ZNF236: variants seen among roughly 807,000 people sequenced by gnomAD.
The protein encoded by ZNF236 is zinc finger protein 236, also known as regulated by glucose.
A neutral mutation model predicts 191.2 loss-of-function variants in ZNF236; 50 were observed. The observed-to-expected ratio is 0.26, with a 90% CI of 0.21 to 0.33. The LOEUF is 0.33. ZNF236 is among the 10% of genes least tolerant of loss of function. The pLI is 1.00. For synonymous variants in ZNF236, 907 were observed against 928.8 expected (o/e 0.98, Z 0.43); for missense variants, 1,754 against 2,374.5 (o/e 0.74, Z 5.43).
At chr18:76,908,839 G>A (rs1967131757) in intron 14 of ZNF236, among the ~76,000 whole-genome samples, 2 of 152,078 alleles carry the variant, frequency 1.3e-5, no homozygotes, top group Non-Finnish European at 2.9e-5. Context: ...GGAAATATTC[G>A]AAATCTTGTT....
intron 10 of ZNF236, 132 bp downstream of exon 10, chr18:76,895,417 A>G: frequency 7.8e-7 from 1 of 1,281,348 alleles, no homozygotes; most frequent in Non-Finnish European, 1.1e-6. Flanking sequence ...GCTCACAGGG[A>G]CTGCACAAAG....
intron 4 of ZNF236, 103 bp downstream of exon 4, chr18:76,868,966 A>AAAGTGGAACCCCACAGATAATT (rs1220200897): frequency 8.9e-7 from 1 of 1,125,636 alleles, no homozygotes; most frequent in East Asian, 2.5e-5. Context: ...AGAACCCAGC[A>AAAGTGGAACCCCACAGATAATT]AAGTGGAACC....
At chr18:76,867,605 G>A (rs1387751283) in intron 3 of ZNF236, among the ~76,000 whole-genome samples, 4 of 152,144 alleles carry the variant, frequency 2.6e-5, no homozygotes, top group Admixed American at 2.6e-4. Context: ...TTTCATGTTT[G>A]TACAGTTCAT....
chr18:76,876,376 CAT>C (rs1165350912), intron 6 of ZNF236, among the ~76,000 whole-genome samples: 4 of 152,208 alleles, frequency 2.6e-5, no homozygotes, highest in African/African-American at 9.7e-5. Flanking sequence ...TGAAAACTAT[CAT>C]ATTCTTGGGA....
intron 9 of ZNF236, among the ~76,000 whole-genome samples, chr18:76,891,305 G>C (rs1294877968): frequency 2.0e-5 from 3 of 152,092 alleles, no homozygotes; most frequent in Non-Finnish European, 2.9e-5. Context: ...CTTTAGGCTT[G>C]GGTGATATTT....
intron 1 of ZNF236, among the ~76,000 whole-genome samples, chr18:76,831,827 T>C (rs1445168830): frequency 1.3e-5 from 2 of 152,202 alleles, no homozygotes; most frequent in Non-Finnish European, 1.5e-5. Flanking sequence ...CATAGGCTCA[T>C]TTGCCATCTG....
At chr18:76,936,513 G>C (rs762572393) in intron 25 of ZNF236, 1 of 428,368 alleles carries the variant, frequency 2.3e-6, no homozygotes, top group Non-Finnish European at 4.7e-6. Flanking sequence ...TTTCAGTTTT[G>C]TTGTCTTTTC....
At chr18:76,900,953 C>T (rs1028839682) in intron 11 of ZNF236, among the ~76,000 whole-genome samples, 1 of 152,206 alleles carries the variant, frequency 6.6e-6, no homozygotes, top group Admixed American at 6.5e-5. Flanking sequence ...GGAAGGAGTG[C>T]GCAGCCTAGA....
At chr18:76,883,167 C>T (rs753020694) in intron 9 of ZNF236, among the ~76,000 whole-genome samples, 43 of 152,290 alleles carry the variant, frequency 2.8e-4, no homozygotes, top group Non-Finnish European at 5.0e-4. Context: ...CAGGGAATTC[C>T]ACATGGAATT....
chr18:76,905,545 GAAA>G (rs1159878664), intron 13 of ZNF236, 130 bp downstream of exon 13: 1,874 of 66,208 alleles, frequency 0.028, 7 homozygotes, highest in African/African-American at 0.053. Context: ...ATGGGCTCAA[GAAA>G]AAAAAAAAAA....
rs1294410737 is a variant in ZNF236 at position 76,852,484 on chromosome 18, C to T, written c.363+545C>T. On this transcript the variant is annotated intron_variant, in intron 3 of 30. Transcript: ENST00000320610. The stretch of plus-strand genomic sequence containing the variant: ...TGGGTTGGGGGCTGAATCTAAGGTG[C>T]CAATGGCTATTGCTTAAAAAATATG... 2.0e-5 allele frequency among the ~76,000 whole-genome samples: 3 copies of T among 151,998 alleles called. No individual in the cohort carries two copies. The East Asian group carries it at 5.8e-4, about 29-fold the overall frequency.
intron 3 of ZNF236, among the ~76,000 whole-genome samples, chr18:76,856,470 G>A (rs184243376): frequency 1.3e-5 from 2 of 152,224 alleles, no homozygotes; most frequent in African/African-American, 4.8e-5. Flanking sequence ...GGCATGAGCC[G>A]CTGCACCTGG....
chr18:76,949,640 G>A (rs1968354660), intron 27 of ZNF236, among the ~76,000 whole-genome samples: 1 of 151,676 alleles, frequency 6.6e-6, no homozygotes, highest in African/African-American at 2.4e-5. Context: ...TGTAATAATA[G>A]TGTTCAGCAG....
intron 25 of ZNF236, among the ~76,000 whole-genome samples, chr18:76,936,580 G>T (rs630229): frequency 1 from 152,305 of 152,384 alleles, 76,114 homozygotes; most frequent in Middle Eastern, 1. Context: ...TTTATGAGAT[G>T]TATTTTGACC....
intron 1 of ZNF236, among the ~76,000 whole-genome samples, chr18:76,836,958 C>T (rs897135130): frequency 3.7e-4 from 57 of 152,214 alleles, no homozygotes; most frequent in African/African-American, 1.4e-3. Context: ...TCACTGCAAC[C>T]TTTGACTTCC....
chr18:76,903,240 G>T (rs1467929975), intron 11 of ZNF236, among the ~76,000 whole-genome samples: 3 of 152,134 alleles, frequency 2.0e-5, no homozygotes, highest in Non-Finnish European at 2.9e-5. Flanking sequence ...GGTGGCAGTG[G>T]AAAAAGAAGA....
In ZNF236 at chr18:76,925,094, C is replaced by A; in HGVS notation, c.3662-95C>A. On this transcript the variant is annotated intron_variant, in intron 21 of 30. Transcript: ENST00000320610. The surrounding 1 kb of genome is among the most constrained non-coding windows in gnomAD (Gnocchi z 5.7). The stretch of plus-strand genomic sequence containing the variant: ...ATTAAAGTACTTCCATCCACTGATT[C>A]AACATATTTACATCCATAGTGACAG... 6.6e-7 allele frequency: 1 copy of A among 1,517,872 alleles called. No homozygotes were observed. The highest frequency in any genetic ancestry group is 1.3e-5 in the South Asian group (1 of 76,228). The allele number at this position is 1,517,872 out of a possible 1,614,324, so 94.0% of individuals were successfully genotyped here.
intron 9 of ZNF236, among the ~76,000 whole-genome samples, chr18:76,891,978 A>C (rs953300492): frequency 2.0e-5 from 3 of 152,190 alleles, no homozygotes; most frequent in African/African-American, 4.8e-5. Context: ...GATGCACTTT[A>C]GAATCTTCTG....
At chr18:76,878,625 A>G (rs1014944002) in intron 7 of ZNF236, among the ~76,000 whole-genome samples, 9 of 151,990 alleles carry the variant, frequency 5.9e-5, no homozygotes, top group Non-Finnish European at 1.3e-4. Context: ...GTGCGCACAC[A>G]CACACACACA....
Sources: allele counts gnomAD v4.1 joint callset (sites outside exome capture counted in the v4.1 genomes callset), GRCh38; gene constraint gnomAD v4.1.1; non-coding constraint Gnocchi (gnomAD v3.1); transcripts MANE v1.5; gene names NCBI Gene and HGNC (gene_info 2026-07-23, HGNC 2026-07-21).